Variants in TRPM2 observed in about 807,000 individuals in gnomAD.
The protein encoded by TRPM2 is transient receptor potential cation channel subfamily M member 2, also known as estrogen-responsive element-associated gene 1 protein.
Under a neutral mutation model 174.0 loss-of-function variants are expected in TRPM2, and 161 were observed. That is an observed-to-expected ratio of 0.93 (90% CI 0.81 to 1.05). The LOEUF (loss-of-function observed/expected upper bound fraction) is 1.05. Among genes scored for constraint, TRPM2 ranks in the 50% least tolerant of loss-of-function variants. The pLI is 0.00. For missense variants in TRPM2, 2,057 were observed against 2,038.0 expected (o/e 1.01, Z -0.18); for synonymous variants, 954 against 861.3 (o/e 1.11, Z -1.88).
chr21:44,395,452 C>T lies in TRPM2; in HGVS notation c.1833C>T (p.Ser611=). 1 of 1,612,964 alleles carries T rather than the reference C, an allele frequency of 6.2e-7. No individual in the cohort carries two copies. Residue 611 remains serine (S), a synonymous_variant, in exon 12 of 32, where the codon TCC becomes TCT. Transcript: ENST00000397928. ...GCCTCCGGTCCCTCTACAAGCGTTCCTCAGGCCATGTGACCTTCACCATGG... is the reference window on the plus strand; with the variant it reads ...GCCTCCGGTCCCTCTACAAGCGTTCTTCAGGCCATGTGACCTTCACCATGG... ...GVSLRSLYKR[S]SGHVTFTMDP...
chr21:44,399,226 C>G lies in TRPM2; in HGVS notation c.2063-70C>G. 6.4e-7 allele frequency: 1 copy of G among 1,554,304 alleles called. No individual in the cohort carries two copies. ...GGTGGTGCTGTCCCGAGTGGTTGCC[C>G]TCTGACCCGTCCCCAGGGCTCAGTG... is the stretch of plus-strand genomic sequence containing the variant. On this transcript the variant is annotated intron_variant, in intron 13 of 31. Transcript: ENST00000397928. This position sits in a 1 kb window ranked among gnomAD's most constrained non-coding sequence, Gnocchi z 4.6.
In TRPM2 at chr21:44,356,116, A is replaced by G. The variant is rs1172602702; in HGVS notation, c.254+1380A>G. On this transcript the variant is annotated intron_variant, in intron 2 of 31. Transcript: ENST00000397928. ...TCCCAGCACTTTGGGAGGCCGAGGC[A>G]GGTGATCCACCCGCCTCGGCCTCCC... Among the ~76,000 whole-genome samples, 21 of 127,944 alleles carry G rather than the reference A, an allele frequency of 1.6e-4. 1 individual carries two copies. The highest frequency in any genetic ancestry group is 4.7e-4 in the African/African-American group (17 of 35,890). 83.9% of individuals were successfully genotyped at this position (127,944 alleles called of 152,430 possible).
intron 13 of TRPM2, among the ~76,000 whole-genome samples, chr21:44,398,173 A>G (rs1177856248): frequency 2.0e-5 from 3 of 150,034 alleles, no homozygotes. Context: ...GAGTTTCATC[A>G]CCCAAATCAG....
rs1242006128 is a variant in TRPM2, at chr21:44,405,921, C to T, written c.2674C>T (p.Leu892=). The part of the protein sequence containing the change: ...GLTCRLIPAT[L]YPGRVILSLD... Reference sequence around the variant, plus strand: ...GGCGGCCAGGCTCATCCCGGCGACGCTGTACCCCGGGCGCGTCATCCTCTC... The same window carrying T: ...GGCGGCCAGGCTCATCCCGGCGACGTTGTACCCCGGGCGCGTCATCCTCTC... The change falls in exon 18 of 32, where the codon CTG becomes TTG. Residue 892 remains leucine, a synonymous_variant. Coordinates refer to ENST00000397928, the MANE Select transcript of TRPM2 (RefSeq NM_003307.4). The T allele has an allele frequency of 1.9e-6, 3 of 1,604,856 alleles. No homozygotes were observed. The East Asian group carries it at 6.7e-5, about 36-fold the overall frequency.
At chr21:44,410,359 G>A (rs2050064752) in intron 19 of TRPM2, among the ~76,000 whole-genome samples, 1 of 84,300 alleles carries the variant, frequency 1.2e-5, no homozygotes, top group African/African-American at 4.1e-5. Flanking sequence ...GTGTAGCCTT[G>A]TAGTAAGTTT....
intron 22 of TRPM2, chr21:44,422,181 G>T (rs1483891659): frequency 6.9e-7 from 1 of 1,439,582 alleles, no homozygotes; most frequent in Non-Finnish European, 9.2e-7. Context: ...CAGTGAAGAA[G>T]CTGGGCACCT....
intron 4 of TRPM2, 166 bp from the exon 5 acceptor site, chr21:44,369,011 A>C: frequency 2.4e-5 from 16 of 659,180 alleles, no homozygotes; most frequent in Non-Finnish European, 3.1e-5. Context: ...GCGCGTGGGA[A>C]CCTCGGTTCC....
intron 19 of TRPM2, among the ~76,000 whole-genome samples, chr21:44,412,248 T>A (rs974260727): frequency 6.6e-6 from 1 of 152,218 alleles, no homozygotes; most frequent in African/African-American, 2.4e-5. Context: ...GTGATGTTTT[T>A]AACTTACTAA....
intron 8 of TRPM2, 95 bp from the exon 9 acceptor site, chr21:44,382,623 C>G (rs991726955): frequency 8.3e-7 from 1 of 1,207,634 alleles, no homozygotes; most frequent in African/African-American, 1.5e-5. Flanking sequence ...GGACCCAAGG[C>G]TCTGGCTGTG....
intron 8 of TRPM2, among the ~76,000 whole-genome samples, chr21:44,381,956 A>G (rs1466031957): frequency 7.4e-4 from 15 of 20,274 alleles, no homozygotes; most frequent in African/African-American, 1.4e-3. Context: ...ATAGATGGAT[A>G]GATAGATAGA....
upstream of TRPM2, among the ~76,000 whole-genome samples, chr21:44,352,040 TG>T (rs1182887865): frequency 6.6e-6 from 1 of 152,214 alleles, no homozygotes. Context: ...ACCGCCTGCC[TG>T]GGGAGCCACC....
At chr21:44,404,168 T>C (rs565358763) in intron 16 of TRPM2, among the ~76,000 whole-genome samples, 87 of 151,222 alleles carry the variant, frequency 5.8e-4, no homozygotes, top group African/African-American at 2.0e-3. Flanking sequence ...TACACATATA[T>C]ACACATGCAC....
chr21:44,407,086 C>G (rs969875354), intron 19 of TRPM2, among the ~76,000 whole-genome samples: 1 of 147,240 alleles, frequency 6.8e-6, no homozygotes. Flanking sequence ...TTCCCTCTCA[C>G]CTCAATCAGA....
chr21:44,364,432 G>A, intron 3 of TRPM2, 150 bp downstream of exon 3: 1 of 935,516 alleles, frequency 1.1e-6, no homozygotes. Context: ...GGAAGCGGCG[G>A]GGAGGGGCTC....
In TRPM2 at chr21:44,399,176, T is replaced by G; in HGVS notation, c.2063-120T>G. 7.5e-7 allele frequency: 1 copy of G among 1,335,780 alleles called. No individual in the cohort carries two copies. The highest frequency in any genetic ancestry group is 1.0e-6 in the Non-Finnish European group (1 of 994,850). 82.7% of individuals were successfully genotyped at this position (1,335,780 alleles called of 1,614,324 possible). ...TGTTTTGAGACACCAGCCCCACATT[T>G]GCCCTGTGCCCTTCCCTGTGTCCTG... On this transcript the variant is annotated intron_variant, in intron 13 of 31. Coordinates refer to ENST00000397928, the MANE Select transcript of TRPM2 (RefSeq NM_003307.4). This position sits in a 1 kb window ranked among gnomAD's most constrained non-coding sequence, Gnocchi z 4.6.
At chr21:44,370,061 C>T (rs1052659036) in intron 5 of TRPM2, among the ~76,000 whole-genome samples, 1 of 152,056 alleles carries the variant, frequency 6.6e-6, no homozygotes, top group Non-Finnish European at 1.5e-5. Context: ...GTGCAACTCC[C>T]GGCCCACCCC....
rs977606588 is a variant in TRPM2, at chr21:44,406,945, G to A, written c.2962+180G>A. Among the ~76,000 whole-genome samples the A allele has an allele frequency of 3.3e-5, 5 of 150,422 alleles. No homozygotes were observed. The South Asian group carries it at 8.4e-4, about 25-fold the overall frequency. On this transcript the variant is annotated intron_variant, in intron 19 of 31. Coordinates refer to ENST00000397928, the MANE Select transcript of TRPM2 (RefSeq NM_003307.4). ...AGCTCCTGTGGCAGGAAGTAGAAGG[G>A]GCCCCACCAGGGGAGGGAGGAGGGG... is the stretch of plus-strand genomic sequence containing the variant.
chr21:44,421,299 C>G (rs565400420), intron 22 of TRPM2, among the ~76,000 whole-genome samples: 15 of 151,404 alleles, frequency 9.9e-5, no homozygotes, highest in African/African-American at 3.6e-4. Context: ...GCCTGGGCGA[C>G]AGAGCAAGAC....
chr21:44,394,059 T>TG (rs1424535449), intron 11 of TRPM2, among the ~76,000 whole-genome samples: 2 of 151,896 alleles, frequency 1.3e-5, no homozygotes, highest in Non-Finnish European at 2.9e-5. Flanking sequence ...TTAGTAGAGA[T>TG]GGAGTTTCAC....
Sources: allele counts gnomAD v4.1 joint callset (sites outside exome capture counted in the v4.1 genomes callset), GRCh38; gene constraint gnomAD v4.1.1; non-coding constraint Gnocchi (gnomAD v3.1); transcripts MANE v1.5; gene names NCBI Gene and HGNC (gene_info 2026-07-23, HGNC 2026-07-21).